The following CRYBG2 variants were observed in gnomAD, a reference collection of about 807,000 sequenced individuals.
The protein encoded by CRYBG2 is crystallin beta-gamma domain containing 2.
In CRYBG2, 106 loss-of-function variants were observed where a neutral mutation model predicts 153.4. The observed-to-expected ratio is 0.69, with a 90% CI of 0.59 to 0.81. The LOEUF (loss-of-function observed/expected upper bound fraction) is 0.81. Ranked by LOEUF, CRYBG2 falls within the 30% of genes least tolerant of loss-of-function variation. The pLI, the probability that CRYBG2 is intolerant of heterozygous loss-of-function variation, is 0.00. For synonymous variants in CRYBG2, 851 were observed against 877.8 expected, an observed-to-expected ratio of 0.97 and a Z score of 0.54; for missense variants, 1,996 against 2,112.0, an observed-to-expected ratio of 0.95 and a Z score of 1.08.
At position 26,346,497 on chromosome 1, in the gene CRYBG2, A is replaced by C; in HGVS notation, c.161T>G (p.Met54Arg). 6.2e-7 allele frequency: 1 copy of C among 1,612,732 alleles called. No individual in the cohort carries two copies. The highest frequency in any genetic ancestry group is 8.5e-7 in the Non-Finnish European group (1 of 1,179,818). ...GAQMEAPQKE[M>R]FEFSRREEVE... ...TTCCTCTCGACGGCTGAACTCAAAC[A>C]TCTCCTTCTGCGGGGCTTCCATCTG... is the stretch of plus-strand genomic sequence containing the variant. The change falls in exon 2 of 20, where the codon ATG becomes AGG. Residue 54 changes from methionine to arginine, a missense_variant. Physicochemically the swap from Met to Arg is moderately conservative, Grantham distance 91 (BLOSUM62 -1). Transcript: ENST00000308182. The surrounding 1 kb of genome is among the most constrained non-coding windows in gnomAD (Gnocchi z 4.9).
rs1317867362 is a variant in CRYBG2 at position 26,345,233 on chromosome 1, G to T, written c.1425C>A (p.Pro475=). The T allele has an allele frequency of 6.5e-7, 1 of 1,535,844 alleles. No individual in the cohort carries two copies. Among genetic ancestry groups the T allele is most frequent in the East Asian group, 2.4e-5 (1 of 42,220 alleles). Residue 475 remains proline, a synonymous_variant, in exon 2 of 20, where the codon CCC becomes CCA. Coordinates refer to ENST00000308182, the MANE Select transcript of CRYBG2 (RefSeq NM_001039775.4). ...ACCCCTGCACCACCTCCTTCCGGGT[G>T]GGAGATGAGGCAGCAGGAGCACCGG... ...KGPGAPAASS[P]TRKEVVQGSS... is the part of the protein sequence containing the mutation.
intron 1 of CRYBG2, among the ~76,000 whole-genome samples, chr1:26,350,437 G>T (rs1429958611): frequency 3.3e-5 from 5 of 152,152 alleles, no homozygotes; most frequent in Non-Finnish European, 7.3e-5. Context: ...TGAAGCCTCA[G>T]AAGAATCCCA....
At position 26,344,242 on chromosome 1, in the gene CRYBG2, C is replaced by T; in HGVS notation, c.2416G>A (p.Asp806Asn). The T allele has an allele frequency of 2.0e-6, 3 of 1,534,950 alleles. No individual in the cohort carries two copies. Among genetic ancestry groups the T allele is most frequent in the Non-Finnish European group, 1.7e-6 (2 of 1,145,954 alleles). Residue 806 changes from aspartate (D) to asparagine (N), a missense_variant, in exon 2 of 20, where the codon GAC becomes AAC. Transcript: ENST00000308182. ...CCCAGCACCCATGGCCCCAGCTGGT[C>T]CTCCTCAATGGCAGGCAGCGTGGCG... ...MYATLPAIEE[D>N]QLGPWVLGPG...
chr1:26,342,077 G>A (rs1329226398), intron 5 of CRYBG2, among the ~76,000 whole-genome samples: 1 of 152,184 alleles, frequency 6.6e-6, no homozygotes, highest in Non-Finnish European at 1.5e-5. Context: ...AGACATGAGT[G>A]AGCATCTGTG....
At chr1:26,328,407 A>T in intron 16 of CRYBG2, 75 bp from the exon 17 acceptor site, 2 of 1,525,324 alleles carry the variant, frequency 1.3e-6, no homozygotes, top group South Asian at 1.2e-5. Context: ...AGGAGGAGAC[A>T]CAGACGTCAA....
Position 26,336,893 on chromosome 1 carries a change from C to T in CRYBG2, c.3859G>A (p.Glu1287Lys). The T allele has an allele frequency of 2.5e-6, 4 of 1,611,282 alleles. No homozygotes were observed. The highest frequency in any genetic ancestry group is 3.4e-6 in the Non-Finnish European group (4 of 1,178,904). Residue 1287 changes from glutamate (E) to lysine (K), a missense_variant, in exon 11 of 20, where the codon GAG becomes AAG. Transcript: ENST00000308182. The surrounding 1 kb of genome is among the most constrained non-coding windows in gnomAD (Gnocchi z 4.9). ...GTGCTGGGGCCGTGTTGCACCAGCT[C>T]CACATCCGGCAATGCCTTGCTCACC... is the stretch of plus-strand genomic sequence containing the variant. Reference protein sequence around the residue: ...VEVSKALPDVELVQHGPSTQA... With the variant: ...VEVSKALPDVKLVQHGPSTQA...
Position 26,343,378 on chromosome 1 carries a change from A to G in CRYBG2, c.2914-85T>C. 6.9e-6 allele frequency: 10 copies of G among 1,447,960 alleles called. No homozygotes were observed. Among genetic ancestry groups the G allele is most frequent in the Non-Finnish European group, 8.5e-6 (9 of 1,054,596 alleles). 89.7% of individuals were successfully genotyped at this position (1,447,960 alleles called of 1,614,324 possible). ...CAACCCGCCATTCCAAGGATCCCAC[A>G]TCCTCCCTATTAACCTCCACCCGCA... On this transcript the variant is annotated intron_variant, in intron 2 of 19. Coordinates refer to ENST00000308182, the MANE Select transcript of CRYBG2 (RefSeq NM_001039775.4). The surrounding 1 kb of genome is among the most constrained non-coding windows in gnomAD (Gnocchi z 4.1).
rs1229165019 is a variant in CRYBG2 at position 26,344,978 on chromosome 1, G to A, written c.1680C>T (p.Pro560=). The A allele has an allele frequency of 8.0e-6, 12 of 1,503,320 alleles. No individual in the cohort carries two copies. In the East Asian group the frequency reaches 2.5e-4, roughly 31 times the overall value. The allele number at this position is 1,503,320 out of a possible 1,614,324, so 93.1% of individuals were successfully genotyped here. A position where few individuals can be genotyped will look rare whatever the true frequency, so the allele number is the denominator to read the frequency against. ...ACCCCTGCACCACCTCCTTCTGGGT[G>A]GGGGATGAGGCAGCAGGAGCACCAG... The part of the protein sequence containing the change: ...KGPGAPAASS[P]TQKEVVQGSG... The change falls in exon 2 of 20, where the codon CCC becomes CCT. Residue 560 remains proline, a synonymous_variant. Coordinates refer to ENST00000308182, the MANE Select transcript of CRYBG2 (RefSeq NM_001039775.4).
At chr1:26,326,394 C>T (rs1210052079) in intron 17 of CRYBG2, among the ~76,000 whole-genome samples, 4 of 151,640 alleles carry the variant, frequency 2.6e-5, no homozygotes, top group African/African-American at 4.8e-5. Flanking sequence ...AAAAATTAGC[C>T]GGGCATGGTG....
In CRYBG2 at chr1:26,339,449, A is replaced by G. The variant is rs1162149900; in HGVS notation, c.3205-20T>C. The G allele has an allele frequency of 4.3e-6, 7 of 1,613,026 alleles. No homozygotes were observed. Among genetic ancestry groups the G allele is most frequent in the Admixed American group, 1.7e-5 (1 of 60,008 alleles). ...GTAGTCCTGTGGAAGGAGGGGGAAAATTAAATATAGATAAACAGCCAGGCG... is the reference window on the plus strand; with the variant it reads ...GTAGTCCTGTGGAAGGAGGGGGAAAGTTAAATATAGATAAACAGCCAGGCG... On this transcript the variant is annotated intron_variant, in intron 5 of 19. Transcript: ENST00000308182.
intron 15 of CRYBG2, among the ~76,000 whole-genome samples, chr1:26,329,669 A>C (rs2073976469): frequency 6.6e-6 from 1 of 151,878 alleles, no homozygotes. Flanking sequence ...ACAGGGTCTC[A>C]CCATGTTGCC....
chr1:26,346,032 C>T lies in CRYBG2; in HGVS notation c.626G>A (p.Arg209Gln), dbSNP rs760545505. The T allele has an allele frequency of 3.8e-6, 6 of 1,592,556 alleles. No homozygotes were observed. Among genetic ancestry groups the T allele is most frequent in the Middle Eastern group, 1.6e-4 (1 of 6,070 alleles). The change falls in exon 2 of 20, where the codon CGG becomes CAG. Residue 209 changes from arginine (R) to glutamine (Q), a missense_variant. Coordinates refer to ENST00000308182, the MANE Select transcript of CRYBG2 (RefSeq NM_001039775.4). This position sits in a 1 kb window ranked among gnomAD's most constrained non-coding sequence, Gnocchi z 4.9. ...CACCATGCGGGAGACCTGACGGCCC[C>T]GTGGCAGGGCCTCGCCTGAGGACAC... is the stretch of plus-strand genomic sequence containing the variant. Reference protein sequence around the residue: ...RPVSSGEALPRGRQVSRMVPP... With the variant: ...RPVSSGEALPQGRQVSRMVPP...
In CRYBG2 at chr1:26,325,133, G is replaced by A. The variant is rs534770649; in HGVS notation, c.4579-823C>T. On this transcript the variant is annotated intron_variant, in intron 17 of 19. Coordinates refer to ENST00000308182, the MANE Select transcript of CRYBG2 (RefSeq NM_001039775.4). The surrounding 1 kb of genome is among the most constrained non-coding windows in gnomAD (Gnocchi z 4.1). ...ATTTCCCCATCTGTAAAATGTGAGG[G>A]GTGGAGATAATCTCCAAGATTTCTC... 6.6e-6 allele frequency: 1 copy of A among 152,292 alleles called. No individual in the cohort carries two copies. The highest frequency in any genetic ancestry group is 1.5e-5 in the Non-Finnish European group (1 of 68,026). 9.4% of individuals were successfully genotyped at this position (152,292 alleles called of 1,614,324 possible). A position where few individuals can be genotyped will look rare whatever the true frequency, so the allele number is the denominator to read the frequency against.
intron 1 of CRYBG2, among the ~76,000 whole-genome samples, chr1:26,351,694 C>T (rs981767988): frequency 1.1e-4 from 16 of 152,158 alleles, no homozygotes; most frequent in African/African-American, 3.9e-4. Flanking sequence ...TGGACAACAC[C>T]CCTGATAGCC....
Position 26,343,399 on chromosome 1 carries a change from C to CCG in CRYBG2, c.2914-108_2914-107dup. ...CCACATCCTCCCTATTAACCTCCAC[C>CCG]CGCAAGGAGCTGGCGCATAGAGGAT... is the stretch of plus-strand genomic sequence containing the variant. On this transcript the variant is annotated intron_variant, in intron 2 of 19. Transcript: ENST00000308182. This position sits in a 1 kb window ranked among gnomAD's most constrained non-coding sequence, Gnocchi z 4.1. The CCG allele has an allele frequency of 7.6e-7, 1 of 1,313,876 alleles. No individual in the cohort carries two copies. Among genetic ancestry groups the CCG allele is most frequent in the Non-Finnish European group, 1.1e-6 (1 of 934,128 alleles). 81.4% of individuals were successfully genotyped at this position (1,313,876 alleles called of 1,614,324 possible). A position where few individuals can be genotyped will look rare whatever the true frequency, so the allele number is the denominator to read the frequency against.
rs2074182369 is a variant in CRYBG2, at chr1:26,344,674, C to T, written c.1984G>A (p.Glu662Lys). 2.0e-6 allele frequency: 3 copies of T among 1,533,606 alleles called. No homozygotes were observed. Among genetic ancestry groups the T allele is most frequent in the African/African-American group, 1.4e-5 (1 of 72,986 alleles). 95.0% of individuals were successfully genotyped at this position (1,533,606 alleles called of 1,614,324 possible). Reference sequence around the variant, plus strand: ...GCAATTGGGCCTTGAACAGTCTCTTCCTTGGTGAGGGGCGGGGCAAGGCTG... The same window carrying T: ...GCAATTGGGCCTTGAACAGTCTCTTTCTTGGTGAGGGGCGGGGCAAGGCTG... ...AGSLAPPLTK[E>K]ETVQGPIAPA... The change falls in exon 2 of 20, where the codon GAA becomes AAA. Residue 662 changes from glutamate (E) to lysine (K), a missense_variant. Glu to Lys is a moderately conservative substitution (Grantham distance 56). Transcript: ENST00000308182.
chr1:26,351,289 G>A (rs1045779852), intron 1 of CRYBG2, among the ~76,000 whole-genome samples: 1 of 152,106 alleles, frequency 6.6e-6, no homozygotes, highest in Non-Finnish European at 1.5e-5. Context: ...TGACGCCCTC[G>A]CTGAGCACCT....
intron 14 of CRYBG2, 152 bp from the exon 15 acceptor site, chr1:26,331,770 G>A (rs1490283791): frequency 9.1e-7 from 1 of 1,093,232 alleles, no homozygotes; most frequent in East Asian, 2.6e-5. Context: ...AGCAGGGAAT[G>A]AGGTCAGACC....
At position 26,345,507 on chromosome 1, in the gene CRYBG2, G is replaced by T; in HGVS notation, c.1151C>A (p.Thr384Asn). 1.0e-5 allele frequency: 16 copies of T among 1,594,462 alleles called. No individual in the cohort carries two copies. Among genetic ancestry groups the T allele is most frequent in the Middle Eastern group, 3.4e-4 (2 of 5,954 alleles). Residue 384 changes from threonine to asparagine, a missense_variant, in exon 2 of 20, where the codon ACT becomes AAT. Thr to Asn is a moderately conservative substitution (Grantham distance 65, BLOSUM62 0). Coordinates refer to ENST00000308182, the MANE Select transcript of CRYBG2 (RefSeq NM_001039775.4). ...TTTTTTAGGGGGCAGAACAAGGGGA[G>T]TGAGCCGGGCCCCGGGGTGAGTGGG... ...VVPTHPGARL[T>N]PLVLPPKKKD...
Sources: allele counts gnomAD v4.1 joint callset (sites outside exome capture counted in the v4.1 genomes callset), GRCh38; gene constraint gnomAD v4.1.1; non-coding constraint Gnocchi (gnomAD v3.1); transcripts MANE v1.5; gene names NCBI Gene and HGNC (gene_info 2026-07-23, HGNC 2026-07-21).